Variants in IMPA1 observed in about 807,000 individuals in gnomAD.
The protein encoded by IMPA1 is D-galactose 1-phosphate phosphatase.
In IMPA1, 21 loss-of-function variants were observed where a neutral mutation model predicts 34.9. That is an observed-to-expected ratio of 0.60 (90% CI 0.43 to 0.87). The LOEUF is 0.87. Ranked by LOEUF, IMPA1 falls within the 40% of genes least tolerant of loss-of-function variation. IMPA1 has a pLI of 0.00. For synonymous variants in IMPA1, 95 were observed against 104.4 expected (o/e 0.91, Z 0.55); for missense variants, 299 against 336.4 (o/e 0.89, Z 0.87).
intron 5 of IMPA1, chr8:81,674,832 C>A (rs778078858): frequency 5.8e-4 from 265 of 455,588 alleles, no homozygotes; most frequent in Non-Finnish European, 1.0e-3. Context: ...GGTTCCAAAC[C>A]TAGTCTTGCA....
chr8:81,675,670 T>C (rs1807109972), intron 5 of IMPA1, among the ~76,000 whole-genome samples: 1 of 152,240 alleles, frequency 6.6e-6, no homozygotes, highest in African/African-American at 2.4e-5. Flanking sequence ...AAAATGTTAG[T>C]AACCATCCTT....
chr8:81,685,662 TTA>T (rs1042815003), intron 1 of IMPA1: 7 of 438,428 alleles, frequency 1.6e-5, no homozygotes, highest in African/African-American at 1.5e-4. Context: ...TAAGTACATT[TTA>T]TATATATTTT....
At chr8:81,670,650 A>T (rs527285608) in intron 7 of IMPA1, among the ~76,000 whole-genome samples, 1 of 152,340 alleles carries the variant, frequency 6.6e-6, no homozygotes, top group Admixed American at 6.5e-5. Context: ...GGCTAAGGAG[A>T]CATGACACCT....
rs75092456 is a variant in IMPA1 at position 81,662,854 on chromosome 8, A to C, written c.567-2187T>G. ...ATACCATACATAGTGAATTTCATCT[A>C]CATGAATTCCTGAAAATTAAACAAA... is the stretch of plus-strand genomic sequence containing the variant. On this transcript the variant is annotated intron_variant, in intron 7 of 8. Coordinates refer to ENST00000256108, the MANE Select transcript of IMPA1 (RefSeq NM_005536.4). 7.3e-3 allele frequency among the ~76,000 whole-genome samples: 1,118 copies of C among 152,350 alleles called. 9 individuals are homozygous for C. Among genetic ancestry groups the C allele is most frequent in the African/African-American group, 0.025 (1,022 of 41,582 alleles).
chr8:81,679,107 T>C lies in IMPA1; in HGVS notation c.302+19A>G, dbSNP rs1807216408. The stretch of plus-strand genomic sequence containing the variant: ...GTTAATATGCAAAGAGTAATTATAT[T>C]AGACATTTTAAAACATACCTATGTA... On this transcript the variant is annotated intron_variant, in intron 4 of 8. Transcript: ENST00000256108. The C allele has an allele frequency of 6.9e-7, 1 of 1,456,470 alleles. No individual in the cohort carries two copies. The highest frequency in any genetic ancestry group is 9.6e-7 in the Non-Finnish European group (1 of 1,036,366). The allele number at this position is 1,456,470 out of a possible 1,614,324, so 90.2% of individuals were successfully genotyped here.
rs1437163192 is a variant in IMPA1 at position 81,680,710 on chromosome 8, GTAGCAGT to G, written c.130_136del (p.Thr44ArgfsTer13). The G allele has an allele frequency of 6.2e-7, 1 of 1,611,994 alleles. No homozygotes were observed. Among genetic ancestry groups the G allele is most frequent in the Non-Finnish European group, 8.5e-7 (1 of 1,178,506 alleles). On this transcript the variant is annotated frameshift_variant, in exon 3 of 9. Coordinates refer to ENST00000256108, the MANE Select transcript of IMPA1 (RefSeq NM_005536.4). LOFTEE classifies it high-confidence loss of function. ...AAGCATTTTTTCAACTTTTTGGTCC[GTAGCAGT>G]TACCAAATCAACTGGAGAACTTTTC...
intron 7 of IMPA1, among the ~76,000 whole-genome samples, chr8:81,662,305 T>C (rs1806703225): frequency 6.6e-6 from 1 of 152,206 alleles, no homozygotes; most frequent in Non-Finnish European, 1.5e-5. Flanking sequence ...TACCAAGGTC[T>C]TTCATAATTA....
rs745447728 is a variant in IMPA1 at position 81,659,422 on chromosome 8, T to C, written c.763A>G (p.Asn255Asp). The change falls in exon 9 of 9, where the codon AAT becomes GAT. Residue 255 changes from asparagine (N) to aspartate (D), a missense_variant. Transcript: ENST00000256108. Reference sequence around the variant, plus strand: ...GCTATCCTTTCTGCTAATATTCTATTATTTGCAGCAATTACTCTTCGTGAC... The same window carrying C: ...GCTATCCTTTCTGCTAATATTCTATCATTTGCAGCAATTACTCTTCGTGAC... ...LMSRRVIAANNRILAERIAKE... is the reference protein window; with the variant it reads ...LMSRRVIAANDRILAERIAKE... The C allele has an allele frequency of 1.1e-5, 18 of 1,612,198 alleles. No individual in the cohort carries two copies. Among genetic ancestry groups the C allele is most frequent in the Non-Finnish European group, 1.4e-5 (17 of 1,178,508 alleles).
intron 1 of IMPA1, among the ~76,000 whole-genome samples, chr8:81,683,285 T>G (rs1807353324): frequency 6.6e-6 from 1 of 152,144 alleles, no homozygotes; most frequent in South Asian, 2.1e-4. Flanking sequence ...CAAGAATCAC[T>G]TCATTGTGGC....
At chr8:81,681,912 TGGA>T (rs1807310954) in intron 1 of IMPA1, among the ~76,000 whole-genome samples, 1 of 152,164 alleles carries the variant, frequency 6.6e-6, no homozygotes, top group Admixed American at 6.5e-5. Context: ...GATAATATTT[TGGA>T]GGAGAATACA....
intron 5 of IMPA1, chr8:81,674,641 T>TA: frequency 2.9e-6 from 1 of 350,194 alleles, no homozygotes; most frequent in East Asian, 8.0e-5. Context: ...TCGTTTCAGT[T>TA]ATGATTTTAG....
intron 5 of IMPA1, 72 bp from the exon 6 acceptor site, chr8:81,674,021 A>G: frequency 1.1e-6 from 1 of 897,668 alleles, no homozygotes. Flanking sequence ...GAAAATAACA[A>G]GACAATCTGG....
chr8:81,660,695 T>C (rs763974663), intron 7 of IMPA1, 28 bp from the exon 8 acceptor site: 57 of 1,573,990 alleles, frequency 3.6e-5, no homozygotes, highest in Non-Finnish European at 4.8e-5. Flanking sequence ...GAAATAAAAT[T>C]GGAAAAAATA....
At chr8:81,674,615 T>C in intron 5 of IMPA1, 6 of 343,554 alleles carry the variant, frequency 1.7e-5, no homozygotes, top group South Asian at 1.1e-4. Flanking sequence ...CTCTTAGTTC[T>C]ACCTCACCTA....
At chr8:81,666,702 T>C (rs1297062724) in intron 7 of IMPA1, among the ~76,000 whole-genome samples, 1 of 151,494 alleles carries the variant, frequency 6.6e-6, no homozygotes, top group Non-Finnish European at 1.5e-5. Context: ...GGCGAAACCC[T>C]GTCTCTACTA....
intron 7 of IMPA1, among the ~76,000 whole-genome samples, chr8:81,664,616 C>T (rs914032351): frequency 2.6e-5 from 4 of 151,988 alleles, no homozygotes; most frequent in African/African-American, 7.3e-5. Context: ...CACTCAGAAC[C>T]TGACCAGGCA....
At chr8:81,671,120 C>T (rs1047228439) in intron 6 of IMPA1, 73 bp from the exon 7 acceptor site, 6 of 596,462 alleles carry the variant, frequency 1.0e-5, no homozygotes, top group African/African-American at 9.8e-5. Flanking sequence ...CAGAAGAGGG[C>T]ATTTGTATCC....
At chr8:81,675,476 A>G (rs1195606686) in intron 5 of IMPA1, among the ~76,000 whole-genome samples, 1 of 152,202 alleles carries the variant, frequency 6.6e-6, no homozygotes, top group Non-Finnish European at 1.5e-5. Flanking sequence ...CAGGGCCAGC[A>G]TACAGCCCAG....
In IMPA1 at chr8:81,657,534, T is replaced by G. The variant is rs1447709291; in HGVS notation, c.*1817A>C. On this transcript the variant is annotated 3_prime_UTR_variant, in exon 9 of 9. Transcript: ENST00000256108. The stretch of plus-strand genomic sequence containing the variant: ...AGGTTGAGACTGCAATGAATGGTGA[T>G]CATGCCACTGCATTACTGTTTGAGC... Among the ~76,000 whole-genome samples, 1 of 152,090 alleles carries G rather than the reference T, an allele frequency of 6.6e-6. No homozygotes were observed. The highest frequency in any genetic ancestry group is 6.5e-5 in the Admixed American group (1 of 15,280).
Sources: allele counts gnomAD v4.1 joint callset (sites outside exome capture counted in the v4.1 genomes callset), GRCh38; gene constraint gnomAD v4.1.1; transcripts MANE v1.5; gene names NCBI Gene and HGNC (gene_info 2026-07-23, HGNC 2026-07-21).